The following HEATR3 variants were observed in gnomAD, a reference collection of about 807,000 sequenced individuals.
The protein encoded by HEATR3 is HEAT repeat containing 3, also known as HEAT repeat-containing protein 3.
Under a neutral mutation model 72.8 loss-of-function variants are expected in HEATR3, and 56 were observed. The ratio of observed to expected loss-of-function variants is 0.77; its 90% CI spans 0.62 to 0.96. The LOEUF (loss-of-function observed/expected upper bound fraction) is 0.96. Ranked by LOEUF, HEATR3 falls within the 40% of genes least tolerant of loss-of-function variation. The pLI is 0.00. For synonymous variants in HEATR3, 331 were observed against 318.1 expected, an observed-to-expected ratio of 1.04 and a Z score of -0.43; for missense variants, 747 against 831.4, an observed-to-expected ratio of 0.90 and a Z score of 1.25.
intron 12 of HEATR3, among the ~76,000 whole-genome samples, chr16:50,095,008 A>T (rs929945430): frequency 1.3e-5 from 2 of 152,184 alleles, no homozygotes; most frequent in East Asian, 1.9e-4. Flanking sequence ...TTAATTTTTT[A>T]AATTTTTTAA....
Position 50,084,207 on chromosome 16 carries a change from T to C in HEATR3, c.1206T>C (p.Ser402=), listed in dbSNP as rs781464248. ...ACGCATTTATGGAGAATTCCTTCAG[T>C]GAGTGCGGGGGACAGCTGTTTTCTC... ...ESDAFMENSF[S]ECGGQLFSPL... Residue 402 remains serine (S), a synonymous_variant, in exon 9 of 15, where the codon AGT becomes AGC. Transcript: ENST00000299192. 1 of 1,614,208 alleles carries C rather than the reference T, an allele frequency of 6.2e-7. No homozygotes were observed. The highest frequency in any genetic ancestry group is 8.5e-7 in the Non-Finnish European group (1 of 1,180,020).
chr16:50,094,696 G>C lies in HEATR3; in HGVS notation c.1511-9G>C. 1 of 1,514,186 alleles carries C rather than the reference G, an allele frequency of 6.6e-7. No individual in the cohort carries two copies. Among genetic ancestry groups the C allele is most frequent in the Non-Finnish European group, 8.9e-7 (1 of 1,127,002 alleles). The allele number at this position is 1,514,186 out of a possible 1,614,324, so 93.8% of individuals were successfully genotyped here. Reference sequence around the variant, plus strand: ...AATGCAAATTTTATATTTCATTTTTGTGTTTTAGATTTTGCTAAACATGTT... The same window carrying C: ...AATGCAAATTTTATATTTCATTTTTCTGTTTTAGATTTTGCTAAACATGTT... On this transcript the variant is annotated splice_polypyrimidine_tract_variant and intron_variant, in intron 11 of 14. Coordinates refer to ENST00000299192, the MANE Select transcript of HEATR3 (RefSeq NM_182922.4).
intron 5 of HEATR3, chr16:50,073,679 A>C (rs967116294): frequency 3.3e-5 from 5 of 152,242 alleles, no homozygotes; most frequent in Non-Finnish European, 5.9e-5. Context: ...TTTTGTTACA[A>C]TAAGAGAACT....
At chr16:50,090,586 C>T (rs1025788868) in intron 11 of HEATR3, among the ~76,000 whole-genome samples, 5 of 152,190 alleles carry the variant, frequency 3.3e-5, no homozygotes, top group African/African-American at 1.2e-4. Flanking sequence ...TTAGTACAAT[C>T]TGGTCCTTAC....
chr16:50,096,433 T>C (rs2037239544), intron 12 of HEATR3, among the ~76,000 whole-genome samples: 2 of 152,090 alleles, frequency 1.3e-5, no homozygotes, highest in Admixed American at 6.6e-5. Flanking sequence ...GTTGATATTT[T>C]GGTCTCTTAT....
In HEATR3 at chr16:50,086,197, GT is replaced by G; in HGVS notation, c.1374-15del. The stretch of plus-strand genomic sequence containing the variant: ...AACTTCTGGAGAATCAGATGGCATT[GT>G]TTCACTTCCTTTCCAGAATGAACAC... On this transcript the variant is annotated splice_polypyrimidine_tract_variant and intron_variant, in intron 10 of 14. Coordinates refer to ENST00000299192, the MANE Select transcript of HEATR3 (RefSeq NM_182922.4). The G allele has an allele frequency of 6.4e-7, 1 of 1,565,758 alleles. No individual in the cohort carries two copies. Among genetic ancestry groups the G allele is most frequent in the Non-Finnish European group, 8.7e-7 (1 of 1,154,448 alleles).
chr16:50,086,178 TG>T, intron 10 of HEATR3, 36 bp from the exon 11 acceptor site: 1 of 1,549,778 alleles, frequency 6.5e-7, no homozygotes, highest in Non-Finnish European at 8.7e-7. Flanking sequence ...GGGCAACTTC[TG>T]GAGAATCAGA....
In HEATR3 at chr16:50,095,950, T is replaced by G. The variant is rs181189604; in HGVS notation, c.1599+1157T>G. On this transcript the variant is annotated intron_variant, in intron 12 of 14. Transcript: ENST00000299192. Reference sequence around the variant, plus strand: ...AAGGCTCCAAATTAACGGATATTTCTTATTATCCTTTGGTTTGCACTCTGA... The same window carrying G: ...AAGGCTCCAAATTAACGGATATTTCGTATTATCCTTTGGTTTGCACTCTGA... Among the ~76,000 whole-genome samples the G allele has an allele frequency of 3.7e-3, 571 of 152,268 alleles. 2 individuals carry two copies. The highest frequency in any genetic ancestry group is 0.013 in the African/African-American group (545 of 41,552).
intron 11 of HEATR3, among the ~76,000 whole-genome samples, chr16:50,092,332 C>T (rs991259632): frequency 1.3e-5 from 2 of 151,790 alleles, no homozygotes; most frequent in African/African-American, 4.8e-5. Flanking sequence ...TTTTATGAGA[C>T]AGCCCTTGTT....
intron 3 of HEATR3, 75 bp downstream of exon 3, chr16:50,068,942 G>A (rs1244411401): frequency 1.8e-5 from 19 of 1,028,128 alleles, no homozygotes; most frequent in Non-Finnish European, 2.7e-5. Flanking sequence ...CTTTGGTGTT[G>A]GTGACTTTGT....
chr16:50,105,105 G>T lies in HEATR3; in HGVS notation c.*44G>T. On this transcript the variant is annotated 3_prime_UTR_variant, in exon 15 of 15. Coordinates refer to ENST00000299192, the MANE Select transcript of HEATR3 (RefSeq NM_182922.4). ...CAGTTCTTCCCCCAAAGTATTCAAT[G>T]CTTAGAATACTAAAAGGTTTTCTTT... 1.3e-6 allele frequency: 2 copies of T among 1,576,908 alleles called. No homozygotes were observed. The highest frequency in any genetic ancestry group is 1.7e-6 in the Non-Finnish European group (2 of 1,156,574).
At chr16:50,072,783 G>C (rs747989727) in intron 5 of HEATR3, 69 bp downstream of exon 5, 3 of 943,206 alleles carry the variant, frequency 3.2e-6, no homozygotes, top group Non-Finnish European at 5.2e-6. Context: ...ATGCAGCTTT[G>C]GCGTGTTTAT....
chr16:50,091,178 A>G (rs1438019820), intron 11 of HEATR3, among the ~76,000 whole-genome samples: 1 of 148,196 alleles, frequency 6.7e-6, no homozygotes, highest in Non-Finnish European at 1.5e-5. Context: ...ATAAGAAAAA[A>G]AATTCAGGCT....
chr16:50,092,225 A>G (rs1349917429), intron 11 of HEATR3, among the ~76,000 whole-genome samples: 1 of 151,672 alleles, frequency 6.6e-6, no homozygotes, highest in South Asian at 2.1e-4. Flanking sequence ...GGTCCCAGCT[A>G]CTCGGGAGGC....
intron 10 of HEATR3, among the ~76,000 whole-genome samples, chr16:50,085,547 T>C (rs559486272): frequency 4.1e-4 from 63 of 152,240 alleles, no homozygotes; most frequent in African/African-American, 1.5e-3. Flanking sequence ...AGTGGGAGGA[T>C]TGCTTGAGCT....
At chr16:50,072,777 A>G (rs2036641605) in intron 5 of HEATR3, 63 bp downstream of exon 5, 1 of 985,346 alleles carries the variant, frequency 1.0e-6, no homozygotes, top group South Asian at 1.3e-5. Context: ...ATTTTTATGC[A>G]GCTTTGGCGT....
chr16:50,102,487 CA>C (rs2037391037), intron 14 of HEATR3, 52 bp downstream of exon 14: 1 of 1,543,428 alleles, frequency 6.5e-7, no homozygotes, highest in Non-Finnish European at 8.9e-7. Context: ...TCTGTGGGGA[CA>C]AGGGTGTGTG....
intron 8 of HEATR3, 25 bp downstream of exon 8, chr16:50,084,052 A>C (rs1333054489): frequency 6.2e-7 from 1 of 1,613,484 alleles, no homozygotes; most frequent in African/African-American, 1.3e-5. Context: ...ACATTTAGAC[A>C]TTTTCCCCCT....
At chr16:50,068,888 C>G (rs1198281574) in intron 3 of HEATR3, 21 bp downstream of exon 3, 3 of 1,570,116 alleles carry the variant, frequency 1.9e-6, no homozygotes, top group Non-Finnish European at 2.6e-6. Context: ...TTTACAGTAT[C>G]TTGATGGTAG....
Sources: gnomAD v4.1 joint callset for allele counts (sites outside exome capture counted in the v4.1 genomes callset) on GRCh38, gnomAD v4.1.1 for gene constraint, MANE v1.5 for transcripts, NCBI Gene and HGNC (gene_info 2026-07-23, HGNC 2026-07-21) for gene names.